BRI3: variants seen among roughly 807,000 people sequenced by gnomAD.
BRI3 encodes brain protein I3.
Under a neutral mutation model 12.8 loss-of-function variants are expected in BRI3, and 6 were observed. That is an observed-to-expected ratio of 0.47 (90% confidence interval 0.26 to 0.93). The LOEUF (loss-of-function observed/expected upper bound fraction) is 0.93. BRI3 is among the 40% of genes least tolerant of loss of function. The pLI, the probability that BRI3 is intolerant of heterozygous loss-of-function variation, is 0.15. For missense variants in BRI3, 134 were observed against 171.1 expected (o/e 0.78, Z 1.21); for synonymous variants, 91 against 76.1 (o/e 1.20, Z -1.02).
downstream of BRI3, among the ~76,000 whole-genome samples, chr7:98,313,792 C>CTCTTTTT (rs1179300343): frequency 7.5e-6 from 1 of 132,944 alleles, no homozygotes; most frequent in African/African-American, 2.7e-5. Context: ...CTAATTAAAA[C>CTCTTTTT]TTTTTTTTTT....
chr7:98,307,494 A>G, intron 1 of BRI3: 1 of 1,431,590 alleles, frequency 7.0e-7, no homozygotes, highest in South Asian at 1.5e-5. Flanking sequence ...GCATGCACCA[A>G]ATGTATCTCT....
At chr7:98,305,190 C>CA (rs369307224), upstream of BRI3, among the ~76,000 whole-genome samples, 1 of 150,806 alleles carries the variant, frequency 6.6e-6, no homozygotes, top group Non-Finnish European at 1.5e-5. Flanking sequence ...TGCGCCTGGC[C>CA]AAAAAATTAT....
downstream of BRI3, chr7:98,293,259 GT>G (rs1800045107): frequency 2.6e-6 from 1 of 386,490 alleles, no homozygotes; most frequent in African/African-American, 2.0e-5. Context: ...TTGAAACCAA[GT>G]TTACTGTTTC....
At chr7:98,305,987 T>C (rs191746649), upstream of BRI3, among the ~76,000 whole-genome samples, 11 of 152,094 alleles carry the variant, frequency 7.2e-5, no homozygotes, top group East Asian at 1.5e-3. Flanking sequence ...TGATGTTTAA[T>C]TGATGGGCAG....
At chr7:98,307,686 T>TA in exon 2 of BRI3, 1 of 1,613,770 alleles carries the variant, frequency 6.2e-7, no homozygotes, top group Non-Finnish European at 8.5e-7. Context: ...CGCCCAGACT[T>TA]ACGCCTTGGA....
At chr7:98,293,999 C>T (rs985127889), downstream of BRI3, 73 of 1,526,654 alleles carry the variant, frequency 4.8e-5, no homozygotes, top group Non-Finnish European at 6.2e-5. Flanking sequence ...GGCTGGGCAC[C>T]GAAGGCCCTT....
downstream of BRI3, among the ~76,000 whole-genome samples, chr7:98,297,613 G>T (rs568743452): frequency 6.6e-6 from 1 of 152,166 alleles, no homozygotes; most frequent in Admixed American, 6.5e-5. Flanking sequence ...TCTGTGGCCC[G>T]GACTTGTCTT....
chr7:98,293,561 G>T (rs372016426), downstream of BRI3: 11 of 1,613,766 alleles, frequency 6.8e-6, no homozygotes, highest in Non-Finnish European at 9.3e-6. Context: ...CGTCACAGTC[G>T]GGCGGAGTTT....
upstream of BRI3, chr7:98,306,323 C>G: frequency 8.1e-7 from 1 of 1,238,236 alleles, no homozygotes; most frequent in East Asian, 2.3e-5. Context: ...TCTGACTAGT[C>G]CACGAGAGCT....
chr7:98,296,424 G>A (rs1441001628), downstream of BRI3, among the ~76,000 whole-genome samples: 1 of 152,126 alleles, frequency 6.6e-6, no homozygotes, highest in Non-Finnish European at 1.5e-5. Flanking sequence ...TCGGGAGTTC[G>A]AGACCAGCCT....
At chr7:98,293,060 T>G (rs893745645), downstream of BRI3, 10 of 797,206 alleles carry the variant, frequency 1.3e-5, no homozygotes, top group Middle Eastern at 1.1e-3. Flanking sequence ...CTTAAAATTA[T>G]GATTTGCATG....
Position 98,281,950 on chromosome 7 carries a change from C to G in BRI3, c.142+13C>G. ...TACCTCGTCACAGGTGGGCCCGTAACCAACTTTCCCCGCCGGCGGCTTCCG... is the reference window on the plus strand; with the variant it reads ...TACCTCGTCACAGGTGGGCCCGTAAGCAACTTTCCCCGCCGGCGGCTTCCG... On this transcript the variant is annotated intron_variant, in intron 1 of 2. Coordinates refer to ENST00000297290, the MANE Select transcript of BRI3 (RefSeq NM_015379.5). The G allele has an allele frequency of 7.7e-7, 1 of 1,297,570 alleles. No homozygotes were observed. The highest frequency in any genetic ancestry group is 2.3e-5 in the South Asian group (1 of 42,978). The allele number at this position is 1,297,570 out of a possible 1,614,324, so 80.4% of individuals were successfully genotyped here. A position where few individuals can be genotyped will look rare whatever the true frequency, so the allele number is the denominator to read the frequency against.
At chr7:98,308,128 C>A (rs1286800090) in exon 2 of BRI3, 3 of 656,144 alleles carry the variant, frequency 4.6e-6, no homozygotes, top group Non-Finnish European at 8.4e-6. Flanking sequence ...AGAAGAGGAT[C>A]CCTGCGGCTG....
At chr7:98,283,993 G>T (rs537507206) in intron 2 of BRI3, among the ~76,000 whole-genome samples, 1 of 152,210 alleles carries the variant, frequency 6.6e-6, no homozygotes, top group Non-Finnish European at 1.5e-5. Context: ...GTGTCCCTGC[G>T]GAGGCCCATG....
intron 1 of BRI3, among the ~76,000 whole-genome samples, chr7:98,300,703 C>A (rs1020145177): frequency 6.6e-6 from 1 of 152,140 alleles, no homozygotes; most frequent in South Asian, 2.1e-4. Flanking sequence ...CCGTGAGGTG[C>A]GAAGGGTGTG....
At chr7:98,302,898 C>T (rs972825891), upstream of BRI3, among the ~76,000 whole-genome samples, 7 of 152,170 alleles carry the variant, frequency 4.6e-5, no homozygotes, top group Non-Finnish European at 8.8e-5. Context: ...TATCCTCCCA[C>T]CACAGCCTCC....
intron 2 of BRI3, among the ~76,000 whole-genome samples, chr7:98,290,580 CCT>C (rs1799894456): frequency 6.6e-6 from 1 of 151,696 alleles, no homozygotes; most frequent in African/African-American, 2.4e-5. Context: ...CTCACTGCAA[CCT>C]CTGCCTCCTG....
downstream of BRI3, among the ~76,000 whole-genome samples, chr7:98,314,042 G>C (rs534603017): frequency 1.5e-5 from 2 of 135,782 alleles, no homozygotes; most frequent in East Asian, 2.2e-4. Context: ...CTGAAGTGCA[G>C]TGGTGTGATC....
At chr7:98,308,417 CAG>C (rs1800746874) in exon 2 of BRI3, 1 of 393,702 alleles carries the variant, frequency 2.5e-6, no homozygotes, top group Middle Eastern at 3.6e-4. Context: ...GTTCCATTTA[CAG>C]AGTCCTCACC....
Sources: allele counts gnomAD v4.1 joint callset (sites outside exome capture counted in the v4.1 genomes callset), GRCh38; gene constraint gnomAD v4.1.1; transcripts MANE v1.5; gene names NCBI Gene and HGNC (gene_info 2026-07-23, HGNC 2026-07-21).